The following ARHGEF3 variants were observed in gnomAD, a reference collection of about 807,000 sequenced individuals.
ARHGEF3 encodes Rho guanine nucleotide exchange factor 3.
Under a neutral mutation model 63.2 loss-of-function variants are expected in ARHGEF3, and 28 were observed. The observed-to-expected ratio is 0.44, with a 90% confidence interval of 0.33 to 0.61. ARHGEF3 has a LOEUF of 0.61. ARHGEF3 is among the 20% of genes least tolerant of loss of function. The pLI is 0.03. For missense variants in ARHGEF3, 533 were observed against 659.3 expected (o/e 0.81, Z 2.10); for synonymous variants, 266 against 254.2 (o/e 1.05, Z -0.44).
chr3:56,876,052 C>T (rs1202431167), intron 4 of ARHGEF3, among the ~76,000 whole-genome samples: 3 of 151,988 alleles, frequency 2.0e-5, no homozygotes, highest in Non-Finnish European at 4.4e-5. Context: ...GGGGCATGAG[C>T]CAGGTGAAAT....
intron 2 of ARHGEF3, chr3:56,958,916 T>C: frequency 6.5e-7 from 1 of 1,538,594 alleles, no homozygotes; most frequent in Non-Finnish European, 8.8e-7. Flanking sequence ...AATGTATTCA[T>C]TATTCAGTGG....
chr3:56,985,869 G>GC lies in ARHGEF3; in HGVS notation c.63-26981dup, dbSNP rs545364423. On this transcript the variant is annotated intron_variant, in intron 2 of 12. Coordinates refer to the ARHGEF3 transcript ENST00000338458. The stretch of plus-strand genomic sequence containing the variant: ...TGGGGGTGGGCAAGGGGAATTAGCA[G>GC]CAAGGGGCAATGTGATGCCGCCTGG... 4.9e-3 allele frequency among the ~76,000 whole-genome samples: 752 copies of GC among 152,324 alleles called. 6 individuals are homozygous for GC. Among genetic ancestry groups the GC allele is most frequent in the African/African-American group, 0.017 (695 of 41,552 alleles).
chr3:56,907,474 C>T (rs1263528268), intron 3 of ARHGEF3, among the ~76,000 whole-genome samples: 1 of 152,034 alleles, frequency 6.6e-6, no homozygotes, highest in Non-Finnish European at 1.5e-5. Context: ...TAATAAAGAC[C>T]TAAAAACAGA....
At chr3:56,884,100 G>A (rs1308561551) in intron 3 of ARHGEF3, among the ~76,000 whole-genome samples, 1 of 152,126 alleles carries the variant, frequency 6.6e-6, no homozygotes, top group Non-Finnish European at 1.5e-5. Flanking sequence ...AATGCAATAA[G>A]AGCCAAACAT....
intron 4 of ARHGEF3, among the ~76,000 whole-genome samples, chr3:56,863,362 C>A (rs1001303784): frequency 2.0e-5 from 3 of 151,206 alleles, no homozygotes; most frequent in Non-Finnish European, 4.4e-5. Flanking sequence ...TGCAGTGGTG[C>A]AATCTTGGCT....
intron 4 of ARHGEF3, among the ~76,000 whole-genome samples, chr3:56,811,372 C>G (rs745583541): frequency 2.2e-5 from 3 of 139,124 alleles, no homozygotes; most frequent in Non-Finnish European, 4.6e-5. Context: ...AGGGCTGGGG[C>G]TGGGGCAGAT....
chr3:56,743,011 C>A (rs1448494080), intron 7 of ARHGEF3, among the ~76,000 whole-genome samples: 1 of 152,220 alleles, frequency 6.6e-6, no homozygotes, highest in Non-Finnish European at 1.5e-5. Flanking sequence ...TCAAAAAAGT[C>A]ATGACTTTGA....
Position 56,728,192 on chromosome 3 carries a change from A to T in ARHGEF3, c.*1078T>A, listed in dbSNP as rs1182207386. 6.6e-6 allele frequency: 1 copy of T among 152,668 alleles called. No individual in the cohort carries two copies. Among genetic ancestry groups the T allele is most frequent in the Non-Finnish European group, 1.5e-5 (1 of 68,054 alleles). 9.5% of individuals were successfully genotyped at this position (152,668 alleles called of 1,614,324 possible). A position where few individuals can be genotyped will look rare whatever the true frequency, so the allele number is the denominator to read the frequency against. The stretch of plus-strand genomic sequence containing the variant: ...GGAGAACATAATTACAATTCTGATT[A>T]TAGCACAGAACCAGAGATGGCAAAT... On this transcript the variant is annotated 3_prime_UTR_variant, in exon 10 of 10. Transcript: ENST00000296315.
intron 4 of ARHGEF3, among the ~76,000 whole-genome samples, chr3:56,874,259 C>A (rs2040518426): frequency 6.6e-6 from 1 of 152,080 alleles, no homozygotes; most frequent in Non-Finnish European, 1.5e-5. Flanking sequence ...CAAAAAATGC[C>A]AACAGGTTAA....
At chr3:56,908,831 C>A (rs2041774560) in intron 3 of ARHGEF3, among the ~76,000 whole-genome samples, 1 of 152,126 alleles carries the variant, frequency 6.6e-6, no homozygotes, top group Non-Finnish European at 1.5e-5. Flanking sequence ...ACAGAAATAT[C>A]ATTTGACCCA....
chr3:56,914,165 T>C (rs1172731812), intron 3 of ARHGEF3, among the ~76,000 whole-genome samples: 1 of 152,270 alleles, frequency 6.6e-6, no homozygotes, highest in African/African-American at 2.4e-5. Context: ...AGACTACAAA[T>C]AGGTTGCAGT....
intron 1 of ARHGEF3, among the ~76,000 whole-genome samples, chr3:57,045,568 T>G (rs1279456952): frequency 6.6e-6 from 1 of 152,204 alleles, no homozygotes. Flanking sequence ...CCTTTTCATA[T>G]GCCAGACACC....
intron 4 of ARHGEF3, among the ~76,000 whole-genome samples, chr3:56,877,231 T>C (rs985688247): frequency 3.9e-5 from 6 of 152,016 alleles, no homozygotes; most frequent in African/African-American, 1.4e-4. Flanking sequence ...CAGTAAAGGG[T>C]TGGTGGAATA....
At chr3:56,951,076 C>T (rs1699783813) in intron 3 of ARHGEF3, among the ~76,000 whole-genome samples, 1 of 150,704 alleles carries the variant, frequency 6.6e-6, no homozygotes. Flanking sequence ...GGGAATTGAA[C>T]AATGAGAACA....
chr3:56,916,343 G>C (rs1455875652), intron 3 of ARHGEF3: 1 of 1,535,340 alleles, frequency 6.5e-7, no homozygotes, highest in East Asian at 2.4e-5. Context: ...CCACACCATG[G>C]GGCGCTCTGA....
intron 2 of ARHGEF3, chr3:57,007,378 C>G (rs1217831321): frequency 8.6e-6 from 11 of 1,286,154 alleles, no homozygotes; most frequent in East Asian, 5.6e-5. Context: ...ACTGCACGTG[C>G]CTTCTGCTGA....
chr3:56,932,420 T>C (rs2042439197), intron 3 of ARHGEF3, among the ~76,000 whole-genome samples: 1 of 152,224 alleles, frequency 6.6e-6, no homozygotes, highest in Admixed American at 6.5e-5. Context: ...TACAATTTTG[T>C]TTCCTGCTTC....
chr3:56,837,404 A>G (rs7636574), intron 4 of ARHGEF3, among the ~76,000 whole-genome samples: 112,829 of 152,084 alleles, frequency 0.74, 42,078 homozygotes, highest in South Asian at 0.81. Context: ...GCTAACTGGA[A>G]TTGACTGCTC....
Position 56,968,222 on chromosome 3 carries a change from T to C in ARHGEF3, c.63-9333A>G, listed in dbSNP as rs1258161399. Reference sequence around the variant, plus strand: ...AATATATAAAAATATATATTATATATAATATATATATAAATATATATATTA... The same window carrying C: ...AATATATAAAAATATATATTATATACAATATATATATAAATATATATATTA... On this transcript the variant is annotated intron_variant, in intron 2 of 12. Coordinates refer to the ARHGEF3 transcript ENST00000338458. Among the ~76,000 whole-genome samples the C allele has an allele frequency of 9.2e-4, 18 of 19,572 alleles. 3 individuals are homozygous for C. In the South Asian group the frequency reaches 0.024, roughly 26 times the overall value. 12.8% of individuals were successfully genotyped at this position (19,572 alleles called of 152,430 possible). A position where few individuals can be genotyped will look rare whatever the true frequency, so the allele number is the denominator to read the frequency against.
Sources: gnomAD v4.1 joint callset for allele counts (sites outside exome capture counted in the v4.1 genomes callset) on GRCh38, gnomAD v4.1.1 for gene constraint, MANE v1.5 for transcripts, NCBI Gene and HGNC (gene_info 2026-07-23, HGNC 2026-07-21) for gene names.